The following SMOC2 variants were observed in gnomAD, a reference collection of about 807,000 sequenced individuals.
SMOC2 encodes SPARC related modular calcium binding 2, also known as SPARC-related modular calcium-binding protein 2.
SMOC2 carries 39 observed loss-of-function variants against 61.4 expected under a neutral mutation model. The observed-to-expected ratio is 0.64, with a 90% CI of 0.49 to 0.83. SMOC2 has a LOEUF of 0.83. Among genes scored for constraint, SMOC2 ranks in the 40% least tolerant of loss-of-function variants. SMOC2 has a pLI of 0.00. For synonymous variants in SMOC2, 247 were observed against 239.9 expected (o/e 1.03, Z -0.27); for missense variants, 556 against 592.9 (o/e 0.94, Z 0.65).
intron 8 of SMOC2, among the ~76,000 whole-genome samples, chr6:168,599,897 C>T (rs1785491955): frequency 6.8e-6 from 1 of 146,818 alleles, no homozygotes; most frequent in African/African-American, 2.5e-5. Flanking sequence ...CCCGACACAT[C>T]CCCACACTCC....
At chr6:168,656,991 C>T (rs951756859) in intron 11 of SMOC2, among the ~76,000 whole-genome samples, 1 of 152,226 alleles carries the variant, frequency 6.6e-6, no homozygotes, top group Non-Finnish European at 1.5e-5. Flanking sequence ...GTTCAATGTT[C>T]TGTCTCCATC....
chr6:168,548,331 C>T (rs896725449), intron 6 of SMOC2, among the ~76,000 whole-genome samples: 3 of 148,572 alleles, frequency 2.0e-5, no homozygotes, highest in Non-Finnish European at 3.0e-5. Flanking sequence ...CAAGCACTAA[C>T]GGTGACCTGC....
chr6:168,616,023 A>G (rs1786079763), intron 9 of SMOC2, among the ~76,000 whole-genome samples: 1 of 152,214 alleles, frequency 6.6e-6, no homozygotes, highest in Non-Finnish European at 1.5e-5. Flanking sequence ...ATCATGTGAC[A>G]TGTAAGGACC....
intron 11 of SMOC2, 75 bp from the exon 12 acceptor site, chr6:168,663,999 C>A: frequency 7.7e-7 from 1 of 1,292,150 alleles, no homozygotes; most frequent in Non-Finnish European, 1.1e-6. Flanking sequence ...TGGACTCCTT[C>A]CTGAAATTGT....
intron 11 of SMOC2, among the ~76,000 whole-genome samples, chr6:168,662,769 G>C (rs1015421176): frequency 6.6e-6 from 1 of 152,184 alleles, no homozygotes; most frequent in Admixed American, 6.5e-5. Flanking sequence ...GAGGAGTGTC[G>C]GGCTCTGGAT....
At chr6:168,505,113 C>T (rs924851186) in intron 1 of SMOC2, among the ~76,000 whole-genome samples, 3 of 150,460 alleles carry the variant, frequency 2.0e-5, no homozygotes, top group African/African-American at 7.3e-5. Context: ...GTCTGCCTCT[C>T]AGATGCCAGA....
intron 1 of SMOC2, among the ~76,000 whole-genome samples, chr6:168,454,531 C>T (rs576127005): frequency 7.9e-5 from 12 of 152,256 alleles, no homozygotes; most frequent in African/African-American, 2.2e-4. Context: ...GGCCAGACTG[C>T]GGCTCTGACA....
intron 1 of SMOC2, among the ~76,000 whole-genome samples, chr6:168,504,305 A>C (rs1782812773): frequency 6.6e-6 from 1 of 150,990 alleles, no homozygotes; most frequent in African/African-American, 2.4e-5. Flanking sequence ...CTATCATTAC[A>C]TTGTAATATA....
intron 7 of SMOC2, among the ~76,000 whole-genome samples, chr6:168,590,892 C>G (rs1221442628): frequency 6.6e-6 from 1 of 152,090 alleles, no homozygotes; most frequent in Non-Finnish European, 1.5e-5. Context: ...GGGAAACGAA[C>G]TCATATTTTT....
At chr6:168,482,544 AT>A (rs1193322793) in intron 1 of SMOC2, among the ~76,000 whole-genome samples, 1 of 152,088 alleles carries the variant, frequency 6.6e-6, no homozygotes, top group Non-Finnish European at 1.5e-5. Flanking sequence ...ACACTTTCTA[AT>A]TCTTTGTATG....
chr6:168,463,558 A>G (rs996076578), intron 1 of SMOC2, among the ~76,000 whole-genome samples: 1 of 152,162 alleles, frequency 6.6e-6, no homozygotes, highest in African/African-American at 2.4e-5. Flanking sequence ...GGAGTGATGT[A>G]TCCCCAGGAG....
chr6:168,600,728 CTT>C (rs931582270), intron 8 of SMOC2, among the ~76,000 whole-genome samples: 4 of 152,212 alleles, frequency 2.6e-5, no homozygotes, highest in Non-Finnish European at 5.9e-5. Flanking sequence ...TCCAAGATGG[CTT>C]TTTATGGTAT....
Position 168,638,034 on chromosome 6 carries a change from G to A in SMOC2, c.908-12647G>A, listed in dbSNP as rs575321338. ...GGATTCCCTCTCCCTGCACATCTGC[G>A]CACTCCCTGGCCAGTCCCTGCCCTG... On this transcript the variant is annotated intron_variant, in intron 9 of 12. Transcript: ENST00000356284. Among the ~76,000 whole-genome samples the A allele has an allele frequency of 7.3e-3, 1,042 of 142,974 alleles. 4 individuals are homozygous for A. Among genetic ancestry groups the A allele is most frequent in the Non-Finnish European group, 0.012 (766 of 65,886 alleles). 93.8% of individuals were successfully genotyped at this position (142,974 alleles called of 152,430 possible). A position where few individuals can be genotyped will look rare whatever the true frequency, so the allele number is the denominator to read the frequency against.
intron 4 of SMOC2, among the ~76,000 whole-genome samples, chr6:168,540,117 G>A (rs1783845027): frequency 6.6e-6 from 1 of 152,248 alleles, no homozygotes; most frequent in Non-Finnish European, 1.5e-5. Flanking sequence ...TCTGTTTAAT[G>A]CCCGCCTCCC....
chr6:168,558,592 C>T (rs561552932), intron 7 of SMOC2, among the ~76,000 whole-genome samples: 62 of 152,254 alleles, frequency 4.1e-4, no homozygotes, highest in Admixed American at 9.8e-4. Flanking sequence ...ATGGTAAGAC[C>T]CACCTCCCGG....
intron 8 of SMOC2, among the ~76,000 whole-genome samples, chr6:168,601,595 G>A (rs1785556195): frequency 6.6e-6 from 1 of 152,126 alleles, no homozygotes; most frequent in African/African-American, 2.4e-5. Context: ...TTAGAGCTCT[G>A]GCTGGTTTAC....
At chr6:168,550,399 C>T (rs1424023646) in intron 7 of SMOC2, among the ~76,000 whole-genome samples, 3 of 152,170 alleles carry the variant, frequency 2.0e-5, no homozygotes, top group Non-Finnish European at 4.4e-5. Flanking sequence ...TCCCCCTTCA[C>T]CCAGCTCTTA....
chr6:168,541,603 A>G (rs1026699035), intron 4 of SMOC2, among the ~76,000 whole-genome samples: 1 of 152,132 alleles, frequency 6.6e-6, no homozygotes, highest in African/African-American at 2.4e-5. Context: ...CAGGGGCAGG[A>G]AGGTTGGGCA....
chr6:168,481,408 G>A (rs1051201724), intron 1 of SMOC2, among the ~76,000 whole-genome samples: 3 of 152,028 alleles, frequency 2.0e-5, no homozygotes, highest in East Asian at 1.9e-4. Context: ...CAGAGTTTTT[G>A]TATGTTATTG....
Sources: allele counts gnomAD v4.1 joint callset (sites outside exome capture counted in the v4.1 genomes callset), GRCh38; gene constraint gnomAD v4.1.1; transcripts MANE v1.5; gene names NCBI Gene and HGNC (gene_info 2026-07-23, HGNC 2026-07-21).